PCNX2: variants seen among roughly 807,000 people sequenced by gnomAD.
The protein encoded by PCNX2 is pecanex 2.
Under a neutral mutation model 223.8 loss-of-function variants are expected in PCNX2, and 168 were observed. That is an observed-to-expected ratio of 0.75 (90% CI 0.66 to 0.85). PCNX2 has a LOEUF of 0.85. Among genes scored for constraint, PCNX2 ranks in the 40% least tolerant of loss-of-function variants. The pLI is 0.00. For missense variants in PCNX2, 2,507 were observed against 2,675.5 expected, an observed-to-expected ratio of 0.94 and a Z score of 1.39; for synonymous variants, 1,006 against 1,052.6, an observed-to-expected ratio of 0.96 and a Z score of 0.86.
intron 16 of PCNX2, among the ~76,000 whole-genome samples, 181 bp downstream of exon 16, chr1:233,178,885 A>G (rs1472676263): frequency 6.6e-6 from 1 of 152,232 alleles, no homozygotes; most frequent in Non-Finnish European, 1.5e-5. Flanking sequence ...AATTGTTATT[A>G]GTTTCTGGCT....
intron 21 of PCNX2, among the ~76,000 whole-genome samples, chr1:233,130,928 T>C (rs1257416994): frequency 6.6e-6 from 1 of 152,014 alleles, no homozygotes; most frequent in Non-Finnish European, 1.5e-5. Flanking sequence ...CTCTGGAAGC[T>C]GTCTGTTTCC....
Position 233,250,849 on chromosome 1 carries a change from T to C in PCNX2, c.2129-17A>G, listed in dbSNP as rs753291105. ...TAATTTCCCCTGTAAAATCAGAAAA[T>C]TTCAGCAAAGAATATGACATAATTA... On this transcript the variant is annotated splice_polypyrimidine_tract_variant and intron_variant, in intron 7 of 33. Coordinates refer to ENST00000258229, the MANE Select transcript of PCNX2 (RefSeq NM_014801.4). 2 of 1,561,986 alleles carry C rather than the reference T, an allele frequency of 1.3e-6. No homozygotes were observed. Among genetic ancestry groups the C allele is most frequent in the Non-Finnish European group, 1.7e-6 (2 of 1,152,454 alleles).
At chr1:233,048,753 C>G (rs558151706) in intron 25 of PCNX2, among the ~76,000 whole-genome samples, 1 of 151,984 alleles carries the variant, frequency 6.6e-6, no homozygotes, top group South Asian at 2.1e-4. Context: ...ATTGATAGAC[C>G]ACTAACTAGA....
rs370788958 is a variant in PCNX2 at position 233,118,751 on chromosome 1, G to C, written c.3837+16262C>G. On this transcript the variant is annotated intron_variant, in intron 21 of 33. Transcript: ENST00000258229. ...AAATGGCTACTGTAGTTACAGATTG[G>C]AAGACAACATAGAAAAGATGTCAAT... is the stretch of plus-strand genomic sequence containing the variant. Among the ~76,000 whole-genome samples, 19 of 152,222 alleles carry C rather than the reference G, an allele frequency of 1.2e-4. No homozygotes were observed. The East Asian group carries it at 3.7e-3, about 29-fold the overall frequency.
rs1232497457 is a variant in PCNX2 at position 233,119,288 on chromosome 1, G to A, written c.3837+15725C>T. On this transcript the variant is annotated intron_variant, in intron 21 of 33. Transcript: ENST00000258229. ...CTTTTAGGAAAAAAAGGCCAGGCAC[G>A]GTGGCTCATGCCTGTAATCACAGCA... 6.6e-5 allele frequency among the ~76,000 whole-genome samples: 10 copies of A among 151,270 alleles called. No homozygotes were observed. The East Asian group carries it at 1.9e-3, about 29-fold the overall frequency.
chr1:233,050,273 G>A (rs180941268), intron 25 of PCNX2, among the ~76,000 whole-genome samples: 77 of 151,750 alleles, frequency 5.1e-4, no homozygotes, highest in African/African-American at 1.5e-3. Flanking sequence ...GCAGTCTATA[G>A]ACTCTATTCC....
At chr1:232,995,394 G>A (rs1008504453) in intron 32 of PCNX2, among the ~76,000 whole-genome samples, 4 of 152,172 alleles carry the variant, frequency 2.6e-5, no homozygotes, top group Admixed American at 1.3e-4. Flanking sequence ...GAAAGCCAGC[G>A]GTGGCCTTGG....
chr1:233,006,216 C>T (rs1208689661), intron 28 of PCNX2, among the ~76,000 whole-genome samples: 1 of 152,138 alleles, frequency 6.6e-6, no homozygotes, highest in Non-Finnish European at 1.5e-5. Context: ...CGATGAGGAG[C>T]TAACACTTGA....
chr1:233,246,062 T>C (rs558600487), intron 8 of PCNX2, among the ~76,000 whole-genome samples: 128 of 152,326 alleles, frequency 8.4e-4, no homozygotes, highest in Admixed American at 2.2e-3. Context: ...CCATCATAAG[T>C]AGACTAACAT....
At chr1:233,005,610 G>GCACCT (rs1670256126) in intron 28 of PCNX2, among the ~76,000 whole-genome samples, 1 of 152,204 alleles carries the variant, frequency 6.6e-6, no homozygotes. Flanking sequence ...ATTATCCACA[G>GCACCT]CACCTTAGAG....
rs936776748 is a variant in PCNX2, at chr1:232,992,190, A to T, written c.5792-5650T>A. 4.6e-5 allele frequency among the ~76,000 whole-genome samples: 7 copies of T among 152,316 alleles called. No individual in the cohort carries two copies. The South Asian group carries it at 1.4e-3, about 32-fold the overall frequency. Reference sequence around the variant, plus strand: ...CTGCTGGGGATAAAAGCCTTGGCATAGCTTCCTAGGCTGCAGTGCCTTCTT... The same window carrying T: ...CTGCTGGGGATAAAAGCCTTGGCATTGCTTCCTAGGCTGCAGTGCCTTCTT... On this transcript the variant is annotated intron_variant, in intron 32 of 33. Coordinates refer to ENST00000258229, the MANE Select transcript of PCNX2 (RefSeq NM_014801.4).
intron 21 of PCNX2, among the ~76,000 whole-genome samples, chr1:233,133,417 C>T (rs1676620154): frequency 6.6e-6 from 1 of 152,224 alleles, no homozygotes; most frequent in South Asian, 2.1e-4. Flanking sequence ...ACTCAGCAAA[C>T]AGGAAATAAA....
At chr1:233,284,105 T>C (rs1661324701) in intron 1 of PCNX2, among the ~76,000 whole-genome samples, 2 of 152,202 alleles carry the variant, frequency 1.3e-5, no homozygotes, top group Admixed American at 1.3e-4. Context: ...GATCCTTGTT[T>C]GAATCTTGGA....
intron 19 of PCNX2, among the ~76,000 whole-genome samples, chr1:233,150,080 G>C (rs918624790): frequency 6.6e-6 from 1 of 152,096 alleles, no homozygotes; most frequent in African/African-American, 2.4e-5. Context: ...CCAGAGGGCT[G>C]CAGCCACAGC....
Position 233,250,732 on chromosome 1 carries a change from C to T in PCNX2, c.2222+7G>A. 1 of 1,596,982 alleles carries T rather than the reference C, an allele frequency of 6.3e-7. No homozygotes were observed. The highest frequency in any genetic ancestry group is 8.5e-7 in the Non-Finnish European group (1 of 1,172,354). On this transcript the variant is annotated splice_region_variant and intron_variant, in intron 8 of 33. Coordinates refer to ENST00000258229, the MANE Select transcript of PCNX2 (RefSeq NM_014801.4). Reference sequence around the variant, plus strand: ...GCTCTCAAGCCTGGAAACAAAGCTCCACTCACCGAGCCTGAGAGAGACAGT... The same window carrying T: ...GCTCTCAAGCCTGGAAACAAAGCTCTACTCACCGAGCCTGAGAGAGACAGT...
At chr1:233,277,557 G>C (rs778665258) in intron 1 of PCNX2, among the ~76,000 whole-genome samples, 1 of 152,142 alleles carries the variant, frequency 6.6e-6, no homozygotes, top group Non-Finnish European at 1.5e-5. Flanking sequence ...CGGTAAAGTA[G>C]TATTTAAACA....
At chr1:233,120,210 AAG>A (rs1171843421) in intron 21 of PCNX2, among the ~76,000 whole-genome samples, 2 of 151,130 alleles carry the variant, frequency 1.3e-5, no homozygotes, top group African/African-American at 4.8e-5. Flanking sequence ...AAGAAAAAAA[AAG>A]AGTATAGAGT....
intron 17 of PCNX2, among the ~76,000 whole-genome samples, chr1:233,173,072 G>C (rs530969576): frequency 2.6e-5 from 4 of 152,072 alleles, no homozygotes; most frequent in African/African-American, 7.2e-5. Context: ...ATTCATAAAA[G>C]AGTCTGTCTC....
chr1:233,124,091 C>T (rs1213104421), intron 21 of PCNX2, among the ~76,000 whole-genome samples: 2 of 152,174 alleles, frequency 1.3e-5, no homozygotes, highest in Non-Finnish European at 2.9e-5. Context: ...TCCTTCTTCT[C>T]CTCATTCTCA....
Sources: allele counts gnomAD v4.1 joint callset (sites outside exome capture counted in the v4.1 genomes callset), GRCh38; gene constraint gnomAD v4.1.1; transcripts MANE v1.5; gene names NCBI Gene and HGNC (gene_info 2026-07-23, HGNC 2026-07-21).